The following AFF3 variants were observed in gnomAD, a reference collection of about 807,000 sequenced individuals.
The protein encoded by AFF3 is ALF transcription elongation factor 3, also known as AF4/FMR2 family member 3.
A neutral mutation model predicts 129.7 loss-of-function variants in AFF3; 32 were observed. The ratio of observed to expected loss-of-function variants is 0.25; its 90% CI spans 0.19 to 0.33. AFF3 has a LOEUF of 0.33. AFF3 is among the 10% of genes least tolerant of loss of function. The pLI, the probability that AFF3 is intolerant of heterozygous loss-of-function variation, is 1.00. For missense variants in AFF3, 1,373 were observed against 1,592.0 expected, an observed-to-expected ratio of 0.86 and a Z score of 2.34; for synonymous variants, 644 against 635.4, an observed-to-expected ratio of 1.01 and a Z score of -0.20.
intron 15 of AFF3, among the ~76,000 whole-genome samples, chr2:99,590,956 T>C (rs1019945428): frequency 1.6e-4 from 24 of 149,170 alleles, no homozygotes; most frequent in Admixed American, 6.0e-4. Flanking sequence ...TGGTGGAGCA[T>C]CATTGCACTC....
At chr2:100,017,176 C>T (rs112273906) in intron 4 of AFF3, among the ~76,000 whole-genome samples, 4,895 of 152,072 alleles carry the variant, frequency 0.032, 267 homozygotes, top group African/African-American at 0.11. Context: ...TCCTAAAGAA[C>T]ATGACTATGC....
At chr2:99,568,125 T>A (rs565421993) in intron 19 of AFF3, among the ~76,000 whole-genome samples, 6 of 152,342 alleles carry the variant, frequency 3.9e-5, no homozygotes, top group African/African-American at 1.4e-4. Context: ...ATTCTGAAGG[T>A]CACTGGAAAT....
rs1686153259 is a variant in AFF3 at position 99,660,692 on chromosome 2, T to C, written c.1144-11026A>G. 2.6e-5 allele frequency among the ~76,000 whole-genome samples: 4 copies of C among 152,372 alleles called. 1 individual carries two copies. The South Asian group carries it at 8.3e-4, about 32-fold the overall frequency. On this transcript the variant is annotated intron_variant, in intron 12 of 24. Coordinates refer to ENST00000672756, the MANE Select transcript of AFF3 (RefSeq NM_001386135.1). ...AATCAGATCTCTCCAGAGAATCAGA[T>C]CTCTCTACTGGAATCCTTGCGTGCA... is the stretch of plus-strand genomic sequence containing the variant.
chr2:99,687,477 C>T (rs575617014), intron 11 of AFF3, among the ~76,000 whole-genome samples: 4 of 152,208 alleles, frequency 2.6e-5, no homozygotes, highest in East Asian at 3.9e-4. Flanking sequence ...GGAGAACAGA[C>T]GGAGTGTTCT....
intron 7 of AFF3, among the ~76,000 whole-genome samples, chr2:99,922,139 A>G (rs1695899797): frequency 6.6e-6 from 1 of 152,218 alleles, no homozygotes; most frequent in South Asian, 2.1e-4. Context: ...GTAAGATGGC[A>G]TAATCCCTTT....
chr2:100,106,110 C>G (rs1320874331), intron 2 of AFF3: 1 of 1,269,320 alleles, frequency 7.9e-7, no homozygotes, highest in East Asian at 5.5e-5. Flanking sequence ...AGACTTCTTT[C>G]CTATTTGAGA....
intron 4 of AFF3, among the ~76,000 whole-genome samples, chr2:100,011,926 A>G (rs1682585828): frequency 6.6e-6 from 1 of 152,126 alleles, no homozygotes; most frequent in African/African-American, 2.4e-5. Flanking sequence ...GTGAGAGAAA[A>G]GATGCTCCTC....
At chr2:99,619,767 T>G (rs915526353) in intron 13 of AFF3, among the ~76,000 whole-genome samples, 8 of 152,162 alleles carry the variant, frequency 5.3e-5, no homozygotes, top group African/African-American at 1.9e-4. Flanking sequence ...CACACACAGA[T>G]GACAGTGTCC....
At position 99,546,540 on chromosome 2, in the gene AFF3, A is replaced by C; in HGVS notation, c.*4934T>G. 4.3e-6 allele frequency: 1 copy of C among 232,870 alleles called. No individual in the cohort carries two copies. Among genetic ancestry groups the C allele is most frequent in the Non-Finnish European group, 8.5e-6 (1 of 117,816 alleles). 14.4% of individuals were successfully genotyped at this position (232,870 alleles called of 1,614,324 possible). On this transcript the variant is annotated 3_prime_UTR_variant, in exon 25 of 25. Coordinates refer to ENST00000672756, the MANE Select transcript of AFF3 (RefSeq NM_001386135.1). ...TGAATCTAAGGACATGGGCTGGATC[A>C]GGTGAAGGGATGGTTTTGCTTTTGT...
At chr2:99,946,919 T>G (rs1003078882) in intron 7 of AFF3, among the ~76,000 whole-genome samples, 14 of 152,214 alleles carry the variant, frequency 9.2e-5, no homozygotes, top group Admixed American at 2.6e-4. Context: ...CAAAGGGCCT[T>G]GCCCCCCATT....
chr2:99,870,202 C>A (rs1209414016), intron 7 of AFF3, among the ~76,000 whole-genome samples: 1 of 152,216 alleles, frequency 6.6e-6, no homozygotes, highest in East Asian at 1.9e-4. Flanking sequence ...GTGTCAGGAG[C>A]AGCAAACAGT....
chr2:99,808,476 G>A (rs757894608), intron 8 of AFF3, among the ~76,000 whole-genome samples: 2 of 152,092 alleles, frequency 1.3e-5, no homozygotes, highest in Non-Finnish European at 2.9e-5. Context: ...GTCTCTGTAT[G>A]AAAATACAGA....
intron 7 of AFF3, among the ~76,000 whole-genome samples, chr2:99,912,672 G>A (rs1043374507): frequency 6.6e-6 from 1 of 152,050 alleles, no homozygotes; most frequent in Non-Finnish European, 1.5e-5. Context: ...TAAATTTAAT[G>A]AGGCAAAATC....
At chr2:99,643,250 G>A (rs1365194547) in intron 13 of AFF3, among the ~76,000 whole-genome samples, 3 of 151,762 alleles carry the variant, frequency 2.0e-5, no homozygotes, top group East Asian at 1.9e-4. Flanking sequence ...AGTAAAGATG[G>A]GATTTCACCA....
At chr2:99,890,227 AC>A (rs914014420) in intron 7 of AFF3, among the ~76,000 whole-genome samples, 8 of 152,108 alleles carry the variant, frequency 5.3e-5, no homozygotes, top group Non-Finnish European at 7.4e-5. Context: ...GGCCACTTCC[AC>A]CCAATGAGGC....
chr2:99,725,679 C>T (rs973443401), intron 11 of AFF3, among the ~76,000 whole-genome samples: 1 of 152,188 alleles, frequency 6.6e-6, no homozygotes, highest in Non-Finnish European at 1.5e-5. Flanking sequence ...TTTAGAAGCA[C>T]ATCCAACTGC....
intron 11 of AFF3, among the ~76,000 whole-genome samples, chr2:99,704,302 G>A (rs1394382717): frequency 1.3e-5 from 2 of 152,132 alleles, no homozygotes; most frequent in African/African-American, 4.8e-5. Flanking sequence ...TTCTTTAAGG[G>A]TAGATCTACT....
chr2:99,890,692 G>C (rs1450957112), intron 7 of AFF3, among the ~76,000 whole-genome samples: 4 of 152,210 alleles, frequency 2.6e-5, no homozygotes, highest in African/African-American at 9.6e-5. Context: ...CAGGACTGTG[G>C]GGGTGTTGGG....
At chr2:100,139,230 A>G (rs1692762108) in intron 1 of AFF3, among the ~76,000 whole-genome samples, 1 of 152,174 alleles carries the variant, frequency 6.6e-6, no homozygotes, top group Admixed American at 6.5e-5. Context: ...TTCATTATCC[A>G]TGGTCTCCAC....
Sources: gnomAD v4.1 joint callset for allele counts (sites outside exome capture counted in the v4.1 genomes callset) on GRCh38, gnomAD v4.1.1 for gene constraint, MANE v1.5 for transcripts, NCBI Gene and HGNC (gene_info 2026-07-23, HGNC 2026-07-21) for gene names.